Variants in DZANK1 observed in about 807,000 individuals in gnomAD.
DZANK1 encodes double zinc ribbon and ankyrin repeat-containing protein 1.
Under a neutral mutation model 94.5 loss-of-function variants are expected in DZANK1, and 91 were observed. That is an observed-to-expected ratio of 0.96 (90% confidence interval 0.81 to 1.15). The LOEUF is 1.15. DZANK1 is among the 50% of genes most tolerant of loss of function. DZANK1 has a pLI of 0.00. For missense variants in DZANK1, 903 were observed against 916.4 expected (o/e 0.99, Z 0.19); for synonymous variants, 312 against 325.3 (o/e 0.96, Z 0.44).
exon 12 of DZANK1, chr20:18,414,432 A>C: frequency 6.2e-7 from 1 of 1,613,874 alleles, no homozygotes; most frequent in South Asian, 1.1e-5. Flanking sequence ...CACAAATACC[A>C]CAGGAGCCAC....
chr20:18,463,783 G>C (rs2059553347), intron 2 of DZANK1, among the ~76,000 whole-genome samples: 1 of 152,026 alleles, frequency 6.6e-6, no homozygotes, highest in South Asian at 2.1e-4. Flanking sequence ...CATATGCTTA[G>C]TTAGAACTCT....
At chr20:18,385,174 G>T in intron 19 of DZANK1, 84 bp from the exon 20 acceptor site, 1 of 1,390,564 alleles carries the variant, frequency 7.2e-7, no homozygotes, top group Non-Finnish European at 1.0e-6. Context: ...CCAAGGTCCT[G>T]GTTTTGCTCA....
chr20:18,466,839 C>T (rs2059674888), intron 1 of DZANK1, 157 bp downstream of exon 1: 1 of 152,410 alleles, frequency 6.6e-6, no homozygotes, highest in African/African-American at 2.4e-5. Flanking sequence ...TTGTTCCCGC[C>T]CATCAGGGGC....
intron 7 of DZANK1, among the ~76,000 whole-genome samples, chr20:18,445,438 C>G (rs1264818728): frequency 6.6e-6 from 1 of 152,054 alleles, no homozygotes; most frequent in Non-Finnish European, 1.5e-5. Context: ...ACATGATAAA[C>G]AGAAAATCAG....
At chr20:18,461,440 G>A (rs1260401932) in intron 2 of DZANK1, among the ~76,000 whole-genome samples, 1 of 151,902 alleles carries the variant, frequency 6.6e-6, no homozygotes, top group Admixed American at 6.6e-5. Flanking sequence ...CCCTACACAT[G>A]GATCTTTAGG....
intron 13 of DZANK1, among the ~76,000 whole-genome samples, chr20:18,403,822 T>A (rs1296108164): frequency 2.0e-4 from 26 of 132,754 alleles, no homozygotes; most frequent in African/African-American, 6.8e-4. Flanking sequence ...TTTTTTGAGA[T>A]GGATTCTCAC....
At chr20:18,397,056 A>G (rs529461806) in intron 14 of DZANK1, among the ~76,000 whole-genome samples, 7 of 152,218 alleles carry the variant, frequency 4.6e-5, no homozygotes, top group Non-Finnish European at 8.8e-5. Flanking sequence ...GGTCTTGTGG[A>G]CCATATGTTC....
intron 1 of DZANK1, among the ~76,000 whole-genome samples, chr20:18,465,926 T>G (rs549713085): frequency 9.6e-4 from 146 of 152,320 alleles, no homozygotes; most frequent in Non-Finnish European, 1.7e-3. Context: ...GACTGCAGAG[T>G]ACTACTTCTC....
exon 5 of DZANK1, chr20:18,453,742 C>G (rs1398607277): frequency 1.2e-6 from 2 of 1,610,682 alleles, no homozygotes; most frequent in African/African-American, 1.3e-5. Context: ...TGGAAACTTT[C>G]TAAGGTTAAC....
chr20:18,423,050 C>A (rs2057869127), intron 10 of DZANK1, among the ~76,000 whole-genome samples: 1 of 152,030 alleles, frequency 6.6e-6, no homozygotes, highest in African/African-American at 2.4e-5. Flanking sequence ...CAATGATGAA[C>A]TCCACATATG....
At position 18,396,563 on chromosome 20, in the gene DZANK1, A is replaced by T; in HGVS notation, c.1537-17T>A. The T allele has an allele frequency of 3.1e-6, 5 of 1,605,108 alleles. No individual in the cohort carries two copies. The highest frequency in any genetic ancestry group is 4.3e-6 in the Non-Finnish European group (5 of 1,173,286). On this transcript the variant is annotated splice_polypyrimidine_tract_variant and intron_variant, in intron 14 of 20. Coordinates refer to ENST00000262547, the Ensembl canonical transcript of DZANK1. ...AGAGATAAGCTTTTAAAAGAGTTGT[A>T]GAGAGAATTCATAACTGTGGGTGTG...
At chr20:18,448,634 C>T (rs1196776195) in intron 7 of DZANK1, among the ~76,000 whole-genome samples, 2 of 151,844 alleles carry the variant, frequency 1.3e-5, no homozygotes, top group African/African-American at 2.4e-5. Flanking sequence ...TTTGGGAGAC[C>T]GAGGTGGGCA....
At chr20:18,395,177 A>G (rs943465357) in intron 15 of DZANK1, among the ~76,000 whole-genome samples, 1 of 152,170 alleles carries the variant, frequency 6.6e-6, no homozygotes, top group African/African-American at 2.4e-5. Context: ...CCTGGCCAAC[A>G]TGGTGAAACC....
chr20:18,394,236 C>T lies in DZANK1; in HGVS notation c.1708+18G>A, dbSNP rs1191133636. ...TCCTGGTCAGTTGTTTTAAAATTGC[C>T]AGAAGGGAATAACTCACCCCAGCTG... On this transcript the variant is annotated intron_variant, in intron 16 of 20. Coordinates refer to ENST00000262547, the Ensembl canonical transcript of DZANK1. 1 of 1,608,398 alleles carries T rather than the reference C, an allele frequency of 6.2e-7. No individual in the cohort carries two copies. The highest frequency in any genetic ancestry group is 8.5e-7 in the Non-Finnish European group (1 of 1,177,436).
At chr20:18,444,699 A>G (rs1439106660) in intron 7 of DZANK1, among the ~76,000 whole-genome samples, 1 of 152,130 alleles carries the variant, frequency 6.6e-6, no homozygotes, top group Non-Finnish European at 1.5e-5. Context: ...TATACTCTAA[A>G]TACTCCAATT....
chr20:18,462,561 A>G (rs925070964), intron 2 of DZANK1, among the ~76,000 whole-genome samples: 4 of 152,206 alleles, frequency 2.6e-5, no homozygotes, highest in Non-Finnish European at 5.9e-5. Context: ...GTGAGACACC[A>G]TCTCACACCA....
intron 7 of DZANK1, among the ~76,000 whole-genome samples, chr20:18,448,013 T>C (rs1166710962): frequency 6.6e-6 from 1 of 152,220 alleles, no homozygotes; most frequent in Non-Finnish European, 1.5e-5. Flanking sequence ...TTAATTTTTA[T>C]CAATTTATTT....
intron 7 of DZANK1, among the ~76,000 whole-genome samples, chr20:18,444,396 T>C (rs1026303119): frequency 6.6e-6 from 1 of 152,216 alleles, no homozygotes; most frequent in Admixed American, 6.5e-5. Context: ...ATTGAAGACA[T>C]AGAGCTGGGA....
chr20:18,455,179 C>T, intron 4 of DZANK1, 68 bp downstream of exon 4: 1 of 1,190,476 alleles, frequency 8.4e-7, no homozygotes, highest in Non-Finnish European at 1.2e-6. Context: ...AAGGCAAGAT[C>T]TGCTCACTGA....
Sources: allele counts gnomAD v4.1 joint callset (sites outside exome capture counted in the v4.1 genomes callset), GRCh38; gene constraint gnomAD v4.1.1; transcripts MANE v1.5; gene names NCBI Gene and HGNC (gene_info 2026-07-23, HGNC 2026-07-21).